RALYL: variants seen among roughly 807,000 people sequenced by gnomAD.
RALYL encodes the protein RALY RNA binding protein like, also known as RNA-binding Raly-like protein.
Under a neutral mutation model 35.1 loss-of-function variants are expected in RALYL, and 29 were observed. The observed-to-expected ratio is 0.83, with a 90% CI of 0.61 to 1.13. RALYL has a LOEUF of 1.13. Among genes scored for constraint, RALYL ranks in the 50% most tolerant of loss-of-function variants. RALYL has a pLI of 0.00. For synonymous variants in RALYL, 120 were observed against 127.6 expected (o/e 0.94, Z 0.40); for missense variants, 359 against 360.4 (o/e 1.00, Z 0.03).
At chr8:84,553,026 T>C (rs2060854488) in intron 2 of RALYL, among the ~76,000 whole-genome samples, 1 of 152,182 alleles carries the variant, frequency 6.6e-6, no homozygotes, top group South Asian at 2.1e-4. Context: ...AAGGAAATCT[T>C]ATGCAATTAT....
At chr8:84,526,465 A>G (rs906244682) in intron 1 of RALYL, among the ~76,000 whole-genome samples, 2 of 152,134 alleles carry the variant, frequency 1.3e-5, no homozygotes, top group African/African-American at 4.8e-5. Context: ...TGGACTCTGC[A>G]CTGCTGCTGG....
intron 1 of RALYL, among the ~76,000 whole-genome samples, chr8:84,270,629 C>T (rs930847638): frequency 3.3e-5 from 5 of 151,716 alleles, no homozygotes; most frequent in African/African-American, 1.2e-4. Context: ...CATTATTACA[C>T]AGTGTACTGT....
At chr8:84,610,718 T>C (rs1226910719) in intron 2 of RALYL, among the ~76,000 whole-genome samples, 1 of 152,166 alleles carries the variant, frequency 6.6e-6, no homozygotes, top group African/African-American at 2.4e-5. Flanking sequence ...ACCACTTGTT[T>C]ATATCAGTAT....
intron 1 of RALYL, among the ~76,000 whole-genome samples, chr8:84,469,788 G>C (rs1338701443): frequency 2.0e-5 from 3 of 152,136 alleles, no homozygotes; most frequent in Middle Eastern, 3.4e-3. Context: ...AGCAATCAGC[G>C]AGACTCCGTG....
chr8:84,431,903 C>A (rs2047184590), intron 1 of RALYL, among the ~76,000 whole-genome samples: 1 of 152,038 alleles, frequency 6.6e-6, no homozygotes, highest in Admixed American at 6.6e-5. Flanking sequence ...TGGTTATATA[C>A]CCAGTGGGGG....
intron 1 of RALYL, among the ~76,000 whole-genome samples, chr8:84,233,720 T>C (rs745795366): frequency 3.1e-4 from 47 of 152,288 alleles, no homozygotes; most frequent in Non-Finnish European, 5.6e-4. Context: ...TTCCTTCACT[T>C]GGACCAACAT....
intron 2 of RALYL, among the ~76,000 whole-genome samples, chr8:84,614,237 TA>T (rs1818938741): frequency 6.6e-6 from 1 of 151,686 alleles, no homozygotes; most frequent in East Asian, 1.9e-4. Context: ...CGAGTATCAG[TA>T]TTACTCTCAG....
At chr8:84,432,141 T>C (rs570117920) in intron 1 of RALYL, among the ~76,000 whole-genome samples, 2 of 152,262 alleles carry the variant, frequency 1.3e-5, no homozygotes, top group Admixed American at 1.3e-4. Flanking sequence ...CTGTTTGTGG[T>C]AGCATGATTC....
chr8:84,876,755 G>T (rs1261012188), intron 7 of RALYL, among the ~76,000 whole-genome samples: 1 of 152,158 alleles, frequency 6.6e-6, no homozygotes, highest in Non-Finnish European at 1.5e-5. Flanking sequence ...GACAATTCCA[G>T]TGATAACATT....
chr8:84,869,847 C>T (rs186219831), intron 6 of RALYL, among the ~76,000 whole-genome samples: 1 of 152,106 alleles, frequency 6.6e-6, no homozygotes, highest in Non-Finnish European at 1.5e-5. Context: ...TTTATATAGA[C>T]AGATGATATC....
chr8:84,842,553 G>A (rs1428402670), intron 4 of RALYL, among the ~76,000 whole-genome samples: 1 of 152,306 alleles, frequency 6.6e-6, no homozygotes, highest in East Asian at 1.9e-4. Context: ...GGAGGAGCTA[G>A]TACCATTCCT....
At chr8:84,439,773 T>G (rs1351559645) in intron 1 of RALYL, among the ~76,000 whole-genome samples, 1 of 152,122 alleles carries the variant, frequency 6.6e-6, no homozygotes, top group East Asian at 1.9e-4. Context: ...ACCTGTCAGA[T>G]TCTTATGGTC....
At chr8:84,553,560 C>A (rs935986701) in intron 2 of RALYL, among the ~76,000 whole-genome samples, 1 of 152,170 alleles carries the variant, frequency 6.6e-6, no homozygotes, top group African/African-American at 2.4e-5. Context: ...CTCACAACAT[C>A]CCTCAAACGA....
chr8:84,702,273 T>C (rs1432592094), intron 2 of RALYL, among the ~76,000 whole-genome samples: 1 of 152,108 alleles, frequency 6.6e-6, no homozygotes, highest in Non-Finnish European at 1.5e-5. Context: ...CATAGAGCCC[T>C]TTTAGGTAAG....
At chr8:84,915,752 T>G (rs1037499816) in intron 8 of RALYL, among the ~76,000 whole-genome samples, 1 of 152,118 alleles carries the variant, frequency 6.6e-6, no homozygotes, top group African/African-American at 2.4e-5. Flanking sequence ...TCTGAAGACA[T>G]CATTATGGTT....
intron 1 of RALYL, among the ~76,000 whole-genome samples, chr8:84,346,666 G>A (rs766740090): frequency 4.0e-5 from 6 of 151,790 alleles, no homozygotes; most frequent in African/African-American, 7.3e-5. Flanking sequence ...ACAGGGTTTC[G>A]CCATGTTGGC....
At chr8:84,763,990 G>A (rs1330270449) in intron 2 of RALYL, among the ~76,000 whole-genome samples, 1 of 140,190 alleles carries the variant, frequency 7.1e-6, no homozygotes, top group Non-Finnish European at 1.6e-5. Flanking sequence ...TTAGCTAATA[G>A]AACAAACAAA....
rs370239239 is a variant in RALYL at position 84,184,501 on chromosome 8, AGT to A, written c.-24+90_-24+91del. On this transcript the variant is annotated intron_variant, in intron 1 of 8. Coordinates refer to ENST00000521268, the MANE Select transcript of RALYL (RefSeq NM_173848.7). ...CCTAGCAAAGAAATGTGTGAGTGTG[AGT>A]GTGTGTGTGTGTCTGTGTTTGCGCG... The A allele has an allele frequency of 2.2e-3, 342 of 156,012 alleles. 1 individual carries two copies. The highest frequency in any genetic ancestry group is 3.4e-3 in the Non-Finnish European group (238 of 70,872). The allele number at this position is 156,012 out of a possible 1,614,324, so 9.7% of individuals were successfully genotyped here.
intron 1 of RALYL, among the ~76,000 whole-genome samples, chr8:84,263,199 C>T (rs1832641803): frequency 6.6e-6 from 1 of 152,096 alleles, no homozygotes; most frequent in African/African-American, 2.4e-5. Context: ...ATATTTGCCT[C>T]CTGTATTAAA....
Sources: allele counts gnomAD v4.1 joint callset (sites outside exome capture counted in the v4.1 genomes callset), GRCh38; gene constraint gnomAD v4.1.1; transcripts MANE v1.5; gene names NCBI Gene and HGNC (gene_info 2026-07-23, HGNC 2026-07-21).